The following CCDC178 variants were observed in gnomAD, a reference collection of about 807,000 sequenced individuals.
CCDC178 encodes coiled-coil domain-containing protein 178.
CCDC178 carries 126 observed loss-of-function variants against 117.4 expected under a neutral mutation model. The ratio of observed to expected loss-of-function variants is 1.07; its 90% confidence interval spans 0.93 to 1.24. CCDC178 has a LOEUF of 1.24. Ranked by LOEUF, CCDC178 falls within the 50% of genes most tolerant of loss-of-function variation. The pLI, the probability that CCDC178 is intolerant of heterozygous loss-of-function variation, is 0.00. For synonymous variants in CCDC178, 283 were observed against 313.4 expected, an observed-to-expected ratio of 0.90 and a Z score of 1.02; for missense variants, 1,030 against 986.9, an observed-to-expected ratio of 1.04 and a Z score of -0.59.
At chr18:33,199,353 G>T (rs555090167) in intron 20 of CCDC178, among the ~76,000 whole-genome samples, 8 of 152,156 alleles carry the variant, frequency 5.3e-5, no homozygotes, top group African/African-American at 1.9e-4. Context: ...TGGTCTCCTG[G>T]TCATTTTCCA....
chr18:33,219,044 G>C (rs2059200954), intron 18 of CCDC178, among the ~76,000 whole-genome samples: 1 of 152,118 alleles, frequency 6.6e-6, no homozygotes. Context: ...ACTTTGGGCA[G>C]TATGGCAGTT....
intron 20 of CCDC178, among the ~76,000 whole-genome samples, chr18:33,177,562 T>C (rs2058678254): frequency 6.6e-6 from 1 of 151,980 alleles, no homozygotes; most frequent in Admixed American, 6.6e-5. Flanking sequence ...CCTCTATTAG[T>C]TTTTTCTCCT....
At chr18:33,406,793 G>A (rs936612332) in intron 3 of CCDC178, among the ~76,000 whole-genome samples, 12 of 152,046 alleles carry the variant, frequency 7.9e-5, no homozygotes, top group African/African-American at 2.7e-4. Context: ...CCCAAAGAAA[G>A]GAAACAGGTA....
chr18:33,229,973 G>GT (rs2059351735), intron 15 of CCDC178, among the ~76,000 whole-genome samples: 1 of 152,126 alleles, frequency 6.6e-6, no homozygotes, highest in South Asian at 2.1e-4. Context: ...GGTTAAATGA[G>GT]TTCAAATTAC....
intron 20 of CCDC178, among the ~76,000 whole-genome samples, chr18:33,180,647 C>G (rs2058723432): frequency 6.6e-6 from 1 of 151,918 alleles, no homozygotes; most frequent in South Asian, 2.1e-4. Flanking sequence ...TCAATATTTC[C>G]TTATATATCA....
chr18:33,099,852 C>A (rs940115933), intron 20 of CCDC178, among the ~76,000 whole-genome samples: 2 of 151,950 alleles, frequency 1.3e-5, no homozygotes, highest in Admixed American at 1.3e-4. Flanking sequence ...GCCATGGAAA[C>A]CATTCTCTTG....
chr18:33,401,527 AT>A (rs2063709934), intron 3 of CCDC178, among the ~76,000 whole-genome samples: 1 of 152,188 alleles, frequency 6.6e-6, no homozygotes, highest in African/African-American at 2.4e-5. Context: ...CAAAATTCCA[AT>A]AGAATGTATT....
rs548713533 is a variant in CCDC178 at position 33,259,323 on chromosome 18, C to A, written c.1409+7593G>T. Among the ~76,000 whole-genome samples, 123 of 152,274 alleles carry A rather than the reference C, an allele frequency of 8.1e-4. 1 individual carries two copies. The highest frequency in any genetic ancestry group is 2.9e-3 in the African/African-American group (119 of 41,550). ...GAAGCTCCTGCTAGCTCCTTTCTTG[C>A]ATTTCTTACTGTACTTATTAGGCTA... On this transcript the variant is annotated intron_variant, in intron 14 of 22. Transcript: ENST00000383096.
chr18:33,229,868 T>C (rs2059350692), intron 15 of CCDC178, among the ~76,000 whole-genome samples: 1 of 152,126 alleles, frequency 6.6e-6, no homozygotes, highest in Admixed American at 6.6e-5. Context: ...CATAGTTGGT[T>C]CTAAAATGGA....
chr18:33,219,489 C>T (rs920749446), intron 18 of CCDC178, among the ~76,000 whole-genome samples: 12 of 152,048 alleles, frequency 7.9e-5, no homozygotes, highest in East Asian at 1.9e-4. Flanking sequence ...ATGTTTATTG[C>T]GGCACTATTC....
intron 12 of CCDC178, among the ~76,000 whole-genome samples, chr18:33,269,794 T>C (rs977070932): frequency 1.3e-5 from 2 of 151,818 alleles, no homozygotes; most frequent in South Asian, 4.1e-4. Flanking sequence ...ATATCCAGTA[T>C]AAATACATTG....
At chr18:33,333,626 C>T (rs1273075370) in intron 9 of CCDC178, among the ~76,000 whole-genome samples, 1 of 150,978 alleles carries the variant, frequency 6.6e-6, no homozygotes, top group African/African-American at 2.4e-5. Context: ...AGCAATTCTG[C>T]CTCAGCCTCC....
At position 33,370,187 on chromosome 18, in the gene CCDC178, C is replaced by T. The variant is rs138740715; in HGVS notation, c.211G>A (p.Val71Met). The T allele has an allele frequency of 1.6e-5, 25 of 1,592,078 alleles. No homozygotes were observed. The highest frequency in any genetic ancestry group is 3.6e-5 in the Admixed American group (2 of 54,966). Reference sequence around the variant, plus strand: ...TAGCTAAAGTAAATGCCTTTATTCACCCCTAAAGAGAACAAATAGAAGTTC... The same window carrying T: ...TAGCTAAAGTAAATGCCTTTATTCATCCCTAAAGAGAACAAATAGAAGTTC... The part of the protein sequence containing the change: ...HESKMTNTEG[V>M]NKGIYFSYPC... The change falls in exon 6 of 23, where the codon GTG becomes ATG. Residue 71 changes from valine to methionine, a missense_variant and splice_region_variant. Physicochemically the swap from Val to Met is conservative, Grantham distance 21 (BLOSUM62 1). Coordinates refer to ENST00000383096, the MANE Select transcript of CCDC178 (RefSeq NM_001105528.4).
At chr18:33,067,232 AAAC>A (rs1441283890) in intron 21 of CCDC178, among the ~76,000 whole-genome samples, 5 of 152,340 alleles carry the variant, frequency 3.3e-5, no homozygotes, top group East Asian at 1.9e-4. Context: ...CATAGAAATT[AAAC>A]AACAAGATCT....
At chr18:33,130,498 G>A (rs779480325) in intron 20 of CCDC178, among the ~76,000 whole-genome samples, 14 of 151,950 alleles carry the variant, frequency 9.2e-5, no homozygotes, top group Non-Finnish European at 1.9e-4. Flanking sequence ...AAGCCTCAGA[G>A]AGATAAAATA....
At chr18:33,226,931 T>C (rs1003779574) in intron 15 of CCDC178, 76 bp from the exon 16 acceptor site, 3 of 664,272 alleles carry the variant, frequency 4.5e-6, no homozygotes, top group African/African-American at 1.9e-5. Flanking sequence ...CAATTGCTAA[T>C]ATAAGACACA....
intron 5 of CCDC178, among the ~76,000 whole-genome samples, chr18:33,387,907 C>G (rs2063516777): frequency 8.5e-5 from 13 of 152,068 alleles, no homozygotes; most frequent in Admixed American, 8.5e-4. Context: ...AAGAAAGTAT[C>G]ATCAGAGTGA....
intron 21 of CCDC178, among the ~76,000 whole-genome samples, chr18:33,035,248 A>G (rs959976129): frequency 1.3e-5 from 2 of 151,942 alleles, no homozygotes; most frequent in Admixed American, 6.6e-5. Flanking sequence ...GAAACACTAT[A>G]TGAGTCAGAA....
At chr18:33,412,142 G>A in intron 2 of CCDC178, 32 bp from the exon 3 acceptor site, 1 of 833,870 alleles carries the variant, frequency 1.2e-6, no homozygotes, top group Non-Finnish European at 1.9e-6. Context: ...TAAATATCAT[G>A]AATCTAAATT....
Sources: allele counts gnomAD v4.1 joint callset (sites outside exome capture counted in the v4.1 genomes callset), GRCh38; gene constraint gnomAD v4.1.1; transcripts MANE v1.5; gene names NCBI Gene and HGNC (gene_info 2026-07-23, HGNC 2026-07-21).